The following SF3B3 variants were observed in gnomAD, a reference collection of about 807,000 sequenced individuals.
The protein encoded by SF3B3 is SAP 130.
In SF3B3, 33 loss-of-function variants were observed where a neutral mutation model predicts 139.2. The ratio of observed to expected loss-of-function variants is 0.24; its 90% CI spans 0.18 to 0.32. SF3B3 has a LOEUF of 0.32. Ranked by LOEUF, SF3B3 falls within the 10% of genes least tolerant of loss-of-function variation. SF3B3 has a pLI of 1.00. For missense variants in SF3B3, 818 were observed against 1,509.4 expected, an observed-to-expected ratio of 0.54 and a Z score of 7.59; for synonymous variants, 596 against 563.6, an observed-to-expected ratio of 1.06 and a Z score of -0.81.
Position 70,569,989 on chromosome 16 carries a change from CTGTT to C in SF3B3, c.3265-13_3265-10del, listed in dbSNP as rs1173816083. On this transcript the variant is annotated splice_polypyrimidine_tract_variant and intron_variant, in intron 23 of 25. Coordinates refer to ENST00000302516, the MANE Select transcript of SF3B3 (RefSeq NM_012426.5). Reference sequence around the variant, plus strand: ...CCTGAGGGTGCACACAGTCACTAGTCTGTTTGTGACTCACAGGCAGAGGTGATCA... The same window carrying C: ...CCTGAGGGTGCACACAGTCACTAGTCTGTGACTCACAGGCAGAGGTGATCA... 20 of 1,613,644 alleles carry C rather than the reference CTGTT, an allele frequency of 1.2e-5. No homozygotes were observed. The highest frequency in any genetic ancestry group is 4.5e-5 in the East Asian group (2 of 44,872).
chr16:70,563,157 T>C (rs934343406), intron 17 of SF3B3, among the ~76,000 whole-genome samples: 1 of 151,936 alleles, frequency 6.6e-6, no homozygotes, highest in Non-Finnish European at 1.5e-5. Flanking sequence ...TTCAACAGAG[T>C]TGGTGTTTCA....
chr16:70,559,882 G>A (rs2050412942), intron 15 of SF3B3, among the ~76,000 whole-genome samples: 1 of 151,536 alleles, frequency 6.6e-6, no homozygotes, highest in Admixed American at 6.6e-5. Flanking sequence ...GATTACAGAT[G>A]TGAGCCACCT....
intron 11 of SF3B3, 106 bp downstream of exon 11, chr16:70,548,548 C>T: frequency 1.0e-6 from 1 of 977,314 alleles, no homozygotes; most frequent in Non-Finnish European, 1.6e-6. Flanking sequence ...CATTTAGCAC[C>T]ATATACCAGA....
At position 70,555,131 on chromosome 16, in the gene SF3B3, G is replaced by A. The variant is rs2050367393; in HGVS notation, c.1635G>A (p.Val545=). Residue 545 remains valine (V), a synonymous_variant, in exon 13 of 26, where the codon GTG becomes GTA. Coordinates refer to ENST00000302516, the MANE Select transcript of SF3B3 (RefSeq NM_012426.5). ...EWKTPGKKTI[V]KCAVNQRQVV... The stretch of plus-strand genomic sequence containing the variant: ...AGACCCCTGGAAAGAAAACAATTGT[G>A]AAGTGTGCAGTGAACCAGCGACAAG... The A allele has an allele frequency of 1.9e-6, 3 of 1,614,122 alleles. No homozygotes were observed. Among genetic ancestry groups the A allele is most frequent in the Non-Finnish European group, 2.5e-6 (3 of 1,179,944 alleles).
chr16:70,565,392 C>G lies in SF3B3; in HGVS notation c.2694C>G (p.Asn898Lys). The G allele has an allele frequency of 6.2e-7, 1 of 1,614,136 alleles. No homozygotes were observed. Among genetic ancestry groups the G allele is most frequent in the Non-Finnish European group, 8.5e-7 (1 of 1,180,024 alleles). Reference protein sequence around the residue: ...AFSVAVCRFSNTGEDWYVLVG... With the variant: ...AFSVAVCRFSKTGEDWYVLVG... ...GTGTGGCTGTGTGCAGGTTTTCCAA[C>G]ACTGGTGAAGACTGGTATGTGCTGG... Residue 898 changes from asparagine (N) to lysine (K), a missense_variant, in exon 20 of 26, where the codon AAC (asparagine) becomes AAG (lysine). By Grantham distance (94) the Asn-to-Lys change is moderately conservative. Transcript: ENST00000302516.
At chr16:70,538,782 G>C (rs568023075) in intron 7 of SF3B3, among the ~76,000 whole-genome samples, 1 of 152,194 alleles carries the variant, frequency 6.6e-6, no homozygotes, top group Admixed American at 6.5e-5. Context: ...TCCTATGGAC[G>C]AGCTCTGTGA....
intron 14 of SF3B3, chr16:70,556,561 C>CCTCA: frequency 1.6e-6 from 1 of 614,046 alleles, no homozygotes; most frequent in Non-Finnish European, 2.8e-6. Context: ...TTGGCTTAAG[C>CCTCA]CTCAACTCCT....
intron 1 of SF3B3, among the ~76,000 whole-genome samples, chr16:70,525,690 G>T (rs2050055296): frequency 6.6e-6 from 1 of 151,972 alleles, no homozygotes; most frequent in African/African-American, 2.4e-5. Flanking sequence ...CTATGGGCTG[G>T]GCGCGGTGGC....
At chr16:70,540,968 G>T (rs895184076) in intron 8 of SF3B3, among the ~76,000 whole-genome samples, 37 of 152,286 alleles carry the variant, frequency 2.4e-4, no homozygotes, top group Non-Finnish European at 1.5e-5. Flanking sequence ...ATATGTAGGA[G>T]TGGAATTACT....
chr16:70,535,000 G>T (rs960139993), intron 5 of SF3B3, among the ~76,000 whole-genome samples: 3 of 152,116 alleles, frequency 2.0e-5, no homozygotes, highest in African/African-American at 7.2e-5. Flanking sequence ...CCGGTGGAAG[G>T]TCCATGTCCA....
At position 70,541,927 on chromosome 16, in the gene SF3B3, C is replaced by T. The variant is rs1009125934; in HGVS notation, c.1233+93C>T. On this transcript the variant is annotated intron_variant, in intron 9 of 25. Coordinates refer to ENST00000302516, the MANE Select transcript of SF3B3 (RefSeq NM_012426.5). Reference sequence around the variant, plus strand: ...AGCTTTATTAGTATTTCCATGAACTCGCCAGTGTGTAAAGCAGTTAGAGGT... The same window carrying T: ...AGCTTTATTAGTATTTCCATGAACTTGCCAGTGTGTAAAGCAGTTAGAGGT... 8 of 1,150,644 alleles carry T rather than the reference C, an allele frequency of 7.0e-6. No homozygotes were observed. The East Asian group carries it at 1.2e-4, about 17-fold the overall frequency. The allele number at this position is 1,150,644 out of a possible 1,614,324, so 71.3% of individuals were successfully genotyped here.
chr16:70,532,088 T>G (rs1279894090), intron 4 of SF3B3, among the ~76,000 whole-genome samples: 2 of 151,946 alleles, frequency 1.3e-5, no homozygotes, highest in African/African-American at 4.8e-5. Flanking sequence ...AGGTCAGGAG[T>G]TCGAGACCAG....
At chr16:70,528,590 G>A (rs2050089665) in intron 2 of SF3B3, among the ~76,000 whole-genome samples, 1 of 150,956 alleles carries the variant, frequency 6.6e-6, no homozygotes, top group Non-Finnish European at 1.5e-5. Context: ...CTCCCACGTA[G>A]CTGGGACTAG....
At chr16:70,538,500 A>T in intron 7 of SF3B3, 40 bp downstream of exon 7, 2 of 1,545,224 alleles carry the variant, frequency 1.3e-6, no homozygotes, top group South Asian at 2.3e-5. Context: ...CTACTCTATG[A>T]GATGAGATAG....
intron 18 of SF3B3, 128 bp downstream of exon 18, chr16:70,564,178 C>G (rs1281196224): frequency 2.2e-6 from 2 of 896,826 alleles, no homozygotes; most frequent in African/African-American, 3.4e-5. Context: ...CGAGACCAGC[C>G]TGGGCAACAT....
intron 3 of SF3B3, chr16:70,529,487 C>G (rs564962202): frequency 5.3e-5 from 21 of 397,518 alleles, no homozygotes; most frequent in African/African-American, 3.9e-4. Flanking sequence ...TGTTATTAGA[C>G]AGTGAATATC....
At chr16:70,539,351 C>T (rs2050197361) in intron 8 of SF3B3, 144 bp downstream of exon 8, 5 of 637,746 alleles carry the variant, frequency 7.8e-6, no homozygotes, top group Non-Finnish European at 1.1e-5. Flanking sequence ...AGTTGGAGAC[C>T]AGCCTGGCCA....
intron 21 of SF3B3, 152 bp from the exon 22 acceptor site, chr16:70,568,131 C>G (rs1273028987): frequency 1.5e-6 from 1 of 659,986 alleles, no homozygotes; most frequent in Admixed American, 2.5e-5. Context: ...CTATTTGGCT[C>G]TTTTTTCCCA....
At chr16:70,561,884 G>A in intron 17 of SF3B3, 100 bp downstream of exon 17, 2 of 992,872 alleles carry the variant, frequency 2.0e-6, no homozygotes, top group South Asian at 3.1e-5. Context: ...AGAGGTGGCA[G>A]AGAGCCGACT....
Sources: gnomAD v4.1 joint callset for allele counts (sites outside exome capture counted in the v4.1 genomes callset) on GRCh38, gnomAD v4.1.1 for gene constraint, MANE v1.5 for transcripts, NCBI Gene and HGNC (gene_info 2026-07-23, HGNC 2026-07-21) for gene names.